The following LAMA5 variants were observed in gnomAD, a reference collection of about 807,000 sequenced individuals.
LAMA5 encodes laminin subunit alpha-5.
A neutral mutation model predicts 433.4 loss-of-function variants in LAMA5; 260 were observed. That is an observed-to-expected ratio of 0.60 (90% CI 0.54 to 0.66). The LOEUF is 0.66. Ranked by LOEUF, LAMA5 falls within the 30% of genes least tolerant of loss-of-function variation. The pLI, the probability that LAMA5 is intolerant of heterozygous loss-of-function variation, is 0.00. For missense variants in LAMA5, 5,378 were observed against 5,258.5 expected (o/e 1.02, Z -0.70); for synonymous variants, 2,620 against 2,226.6 (o/e 1.18, Z -4.97).
At chr20:62,343,526 G>A (rs185887819) in intron 11 of LAMA5, among the ~76,000 whole-genome samples, 27 of 152,168 alleles carry the variant, frequency 1.8e-4, no homozygotes, top group East Asian at 9.7e-4. Context: ...CTGTAATCCC[G>A]GAACTTTGGG....
Position 62,346,609 on chromosome 20 carries a change from T to C in LAMA5, c.1192-13A>G, listed in dbSNP as rs147389288. Reference sequence around the variant, plus strand: ...CGGTGGTGTGGTGCTGGGAGTGCAATGGCCGTTGAGTCTGGGGAGGTCCCT... The same window carrying C: ...CGGTGGTGTGGTGCTGGGAGTGCAACGGCCGTTGAGTCTGGGGAGGTCCCT... On this transcript the variant is annotated splice_polypyrimidine_tract_variant and intron_variant, in intron 8 of 79. Transcript: ENST00000252999. 1,317 of 1,609,566 alleles carry C rather than the reference T, an allele frequency of 8.2e-4. 12 individuals are homozygous for C. In the African/African-American group the frequency reaches 0.015, roughly 19 times the overall value.
rs1372011194 is a variant in LAMA5 at position 62,317,796 on chromosome 20, G to A, written c.7240-18C>T. The stretch of plus-strand genomic sequence containing the variant: ...TTCCTTTGCTGAAGGCAATGCAGGG[G>A]AGTTGGGGACAATGAGGGGTAAGAA... On this transcript the variant is annotated intron_variant, in intron 53 of 79. Transcript: ENST00000252999. 2.6e-6 allele frequency: 4 copies of A among 1,513,490 alleles called. No homozygotes were observed. The highest frequency in any genetic ancestry group is 2.7e-6 in the Non-Finnish European group (3 of 1,109,640). 93.8% of individuals were successfully genotyped at this position (1,513,490 alleles called of 1,614,324 possible). A position where few individuals can be genotyped will look rare whatever the true frequency, so the allele number is the denominator to read the frequency against.
In LAMA5 at chr20:62,314,364, G is replaced by A. The variant is rs781741656; in HGVS notation, c.8444C>T (p.Pro2815Leu). Residue 2815 changes from proline (P) to leucine (L), a missense_variant, in exon 62 of 80, where the codon CCT (proline) becomes CTT (leucine). Transcript: ENST00000252999. ...HWVYQLGEAG[P>L]AVLSIDEDIG... ...GTCCTCATCGATGCTTAGGACTGCA[G>A]GGCCCGCCTCACCCAGCTGATACAC... The A allele has an allele frequency of 1.2e-6, 2 of 1,613,420 alleles. No individual in the cohort carries two copies. Among genetic ancestry groups the A allele is most frequent in the Non-Finnish European group, 1.7e-6 (2 of 1,179,954 alleles).
In LAMA5 at chr20:62,328,281, G is replaced by C. The variant is rs141433736; in HGVS notation, c.4612C>G (p.Leu1538Val). 6.2e-7 allele frequency: 1 copy of C among 1,608,424 alleles called. No individual in the cohort carries two copies. The highest frequency in any genetic ancestry group is 1.3e-5 in the African/African-American group (1 of 75,014). The change falls in exon 35 of 80, where the codon CTC becomes GTC. Residue 1538 changes from leucine to valine, a missense_variant. By Grantham distance (32) the Leu-to-Val change is conservative. Coordinates refer to ENST00000252999, the MANE Select transcript of LAMA5 (RefSeq NM_005560.6). The stretch of plus-strand genomic sequence containing the variant: ...TCTGTGTCACAGGTAGGGTCTGTGA[G>C]CTCCTGGATGCCGGGCCCTGAGCAG... ...CNCSGPGIQE[L>V]TDPTCDTDSG...
In LAMA5 at chr20:62,317,710, G is replaced by A. The variant is rs1270547608; in HGVS notation, c.7308C>T (p.Thr2436=). The part of the protein sequence containing the change: ...LQATLHAARD[T]LASVFRLLHS... ...GCAGCAATCTGAAGACGCTGGCCAG[G>A]GTGTCCCTAGCCGCATGCAGAGTGG... Residue 2436 remains threonine, a synonymous_variant, in exon 54 of 80, where the codon ACC becomes ACT. Coordinates refer to ENST00000252999, the MANE Select transcript of LAMA5 (RefSeq NM_005560.6). The A allele has an allele frequency of 6.2e-7, 1 of 1,605,690 alleles. No homozygotes were observed. The highest frequency in any genetic ancestry group is 1.7e-5 in the Admixed American group (1 of 59,036).
In LAMA5 at chr20:62,325,509, G is replaced by A. The variant is rs1979134016; in HGVS notation, c.5336C>T (p.Ser1779Phe). 6.2e-7 allele frequency: 1 copy of A among 1,612,292 alleles called. No homozygotes were observed. Among genetic ancestry groups the A allele is most frequent in the African/African-American group, 1.3e-5 (1 of 74,900 alleles). The stretch of plus-strand genomic sequence containing the variant: ...CAGCACCATCATGAGCTCCTCGCGG[G>A]ACACAGTGTTGCGCGTCTCCGTATG... ...FRHTETRNTV[S>F]REELMMVLAS... Residue 1779 changes from serine to phenylalanine, a missense_variant, in exon 41 of 80, where the codon TCC (serine) becomes TTC (phenylalanine). By Grantham distance (155) the Ser-to-Phe change is radical (BLOSUM62 -2). Transcript: ENST00000252999.
At position 62,326,257 on chromosome 20, in the gene LAMA5, C is replaced by T. The variant is rs979228005; in HGVS notation, c.5298+420G>A. Among the ~76,000 whole-genome samples, 6 of 151,586 alleles carry T rather than the reference C, an allele frequency of 4.0e-5. 1 individual carries two copies. Among genetic ancestry groups the T allele is most frequent in the African/African-American group, 1.2e-4 (5 of 41,356 alleles). On this transcript the variant is annotated intron_variant, in intron 40 of 79. Transcript: ENST00000252999. ...CAAAAAAAAAAAAACAAAGAAAAAC[C>T]AGATGAGCTGTGAGAGGGGAGAAGA... is the stretch of plus-strand genomic sequence containing the variant.
At position 62,317,648 on chromosome 20, in the gene LAMA5, G is replaced by T; in HGVS notation, c.7356+14C>A. The T allele has an allele frequency of 6.5e-7, 1 of 1,548,394 alleles. No individual in the cohort carries two copies. The highest frequency in any genetic ancestry group is 2.3e-5 in the East Asian group (1 of 43,204). ...GTGGATGGGGTGGCGACAGGGGCCAGGGGCTGCACTCACCTCCTTAGCCTG... is the reference window on the plus strand; with the variant it reads ...GTGGATGGGGTGGCGACAGGGGCCATGGGCTGCACTCACCTCCTTAGCCTG... On this transcript the variant is annotated intron_variant, in intron 54 of 79. Transcript: ENST00000252999.
chr20:62,327,305 G>A lies in LAMA5; in HGVS notation c.5040C>T (p.His1680=), dbSNP rs772353481. Residue 1680 remains histidine (H), a synonymous_variant, in exon 38 of 80, where the codon CAC becomes CAT. Coordinates refer to ENST00000252999, the MANE Select transcript of LAMA5 (RefSeq NM_005560.6). ...GTEMLRADLR[H]VPEAVPEAFP... The stretch of plus-strand genomic sequence containing the variant: ...AAGCCTCGGGCACAGCCTCAGGCAC[G>A]TGCCGCAGGTCTGCACGGAGCATCT... 18 of 1,591,928 alleles carry A rather than the reference G, an allele frequency of 1.1e-5. No individual in the cohort carries two copies. The highest frequency in any genetic ancestry group is 5.7e-5 in the South Asian group (5 of 88,472).
At chr20:62,321,028 G>C (rs951556769) in intron 48 of LAMA5, 138 bp from the exon 49 acceptor site, 1 of 918,012 alleles carries the variant, frequency 1.1e-6, no homozygotes, top group Non-Finnish European at 1.6e-6. Flanking sequence ...CAGGACCTGT[G>C]GGGAGGTCCC....
chr20:62,349,118 A>C (rs780971231), intron 6 of LAMA5, among the ~76,000 whole-genome samples: 7 of 151,966 alleles, frequency 4.6e-5, no homozygotes, highest in Admixed American at 6.6e-5. Flanking sequence ...AAATACAAAA[A>C]AAAATAGCCA....
intron 1 of LAMA5, among the ~76,000 whole-genome samples, chr20:62,365,901 G>C (rs1986670016): frequency 6.6e-6 from 1 of 152,088 alleles, no homozygotes; most frequent in South Asian, 2.1e-4. Context: ...CCAAGGGGGT[G>C]GGGCAGGCAG....
intron 40 of LAMA5, chr20:62,326,388 C>G (rs898639478): frequency 5.7e-6 from 2 of 348,498 alleles, no homozygotes; most frequent in Non-Finnish European, 1.0e-5. Flanking sequence ...GCAAAAGATG[C>G]TAACAGGCAG....
Position 62,327,939 on chromosome 20 carries a change from C to A in LAMA5, c.4724G>T (p.Arg1575Leu). ...GCCCGCCTCGTGACAGTCACAGGGGCGGCAGCGGGGGTAGCCATGGAAGCC... is the reference window on the plus strand; with the variant it reads ...GCCCGCCTCGTGACAGTCACAGGGGAGGCAGCGGGGGTAGCCATGGAAGCC... Reference protein sequence around the residue: ...SPGFHGYPRCRPCDCHEAGTA... With the variant: ...SPGFHGYPRCLPCDCHEAGTA... The change falls in exon 36 of 80, where the codon CGC becomes CTC. Residue 1575 changes from arginine to leucine, a missense_variant. Physicochemically the swap from Arg to Leu is moderately radical, Grantham distance 102. Transcript: ENST00000252999. The A allele has an allele frequency of 6.2e-7, 1 of 1,612,438 alleles. No individual in the cohort carries two copies. Among genetic ancestry groups the A allele is most frequent in the South Asian group, 1.1e-5 (1 of 91,064 alleles).
chr20:62,323,118 G>C, intron 45 of LAMA5, among the ~76,000 whole-genome samples: 1 of 144,710 alleles, frequency 6.9e-6, no homozygotes, highest in East Asian at 2.2e-4. Flanking sequence ...GGGTCTGATG[G>C]TGAAGGTGGG....
At chr20:62,363,584 TCCCCCGCC>T (rs973766044) in intron 1 of LAMA5, among the ~76,000 whole-genome samples, 1 of 151,644 alleles carries the variant, frequency 6.6e-6, no homozygotes, top group Non-Finnish European at 1.5e-5. Context: ...TCCTGGCTGC[TCCCCCGCC>T]CCCCCAGGAA....
chr20:62,354,766 C>A (rs1385264984), intron 2 of LAMA5, among the ~76,000 whole-genome samples: 11 of 152,114 alleles, frequency 7.2e-5, no homozygotes, highest in Non-Finnish European at 4.4e-5. Flanking sequence ...CTAGGCTCCC[C>A]CTACCTGGGG....
chr20:62,357,794 C>A (rs1317357979), intron 2 of LAMA5, among the ~76,000 whole-genome samples: 1 of 152,232 alleles, frequency 6.6e-6, no homozygotes, highest in Non-Finnish European at 1.5e-5. Context: ...AGCTCCCCAG[C>A]TGGAGGGAGA....
At position 62,333,953 on chromosome 20, in the gene LAMA5, C is replaced by T. The variant is rs781506930; in HGVS notation, c.2826G>A (p.Val942=). The change falls in exon 23 of 80, where the codon GTG becomes GTA. Residue 942 remains valine, a synonymous_variant. Coordinates refer to ENST00000252999, the MANE Select transcript of LAMA5 (RefSeq NM_005560.6). Reference sequence around the variant, plus strand: ...CCTCTCGCACAGAGACCCGCCCGCTCACACTCATGGCCCCCCGGTTGACGT... The same window carrying T: ...CCTCTCGCACAGAGACCCGCCCGCTTACACTCATGGCCCCCCGGTTGACGT... ...FRYVNRGAMS[V]SGRVSVREEG... 26 of 1,612,552 alleles carry T rather than the reference C, an allele frequency of 1.6e-5. No individual in the cohort carries two copies. Among genetic ancestry groups the T allele is most frequent in the Non-Finnish European group, 1.9e-5 (23 of 1,179,776 alleles).
Sources: gnomAD v4.1 joint callset for allele counts (sites outside exome capture counted in the v4.1 genomes callset) on GRCh38, gnomAD v4.1.1 for gene constraint, MANE v1.5 for transcripts, NCBI Gene and HGNC (gene_info 2026-07-23, HGNC 2026-07-21) for gene names.